Variants in PTPRD observed in about 807,000 individuals in gnomAD.
PTPRD encodes the protein protein tyrosine phosphatase receptor type D.
A neutral mutation model predicts 214.5 loss-of-function variants in PTPRD; 34 were observed. The ratio of observed to expected loss-of-function variants is 0.16; its 90% CI spans 0.12 to 0.21. The LOEUF (loss-of-function observed/expected upper bound fraction) is 0.21. Among genes scored for constraint, PTPRD ranks in the 10% least tolerant of loss-of-function variants. The probability of loss-of-function intolerance (pLI) is 1.00; values close to 1 mark genes in which losing one functional copy is unlikely to be tolerated. For missense variants in PTPRD, 2,545 were observed against 2,398.7 expected (o/e 1.06, Z -1.27); for synonymous variants, 1,128 against 845.7 (o/e 1.33, Z -5.79).
chr9:9,097,430 A>C (rs1286253854), intron 10 of PTPRD, among the ~76,000 whole-genome samples: 1 of 148,036 alleles, frequency 6.8e-6, no homozygotes, highest in Non-Finnish European at 1.5e-5. Context: ...TTCTTTTGAG[A>C]TGGAGTCTCG....
At chr9:8,387,487 G>A (rs576934278) in intron 37 of PTPRD, among the ~76,000 whole-genome samples, 2 of 152,290 alleles carry the variant, frequency 1.3e-5, no homozygotes, top group South Asian at 4.1e-4. Flanking sequence ...GTGTTTTACT[G>A]AAAACAGCTT....
intron 4 of PTPRD, among the ~76,000 whole-genome samples, chr9:9,987,030 T>C (rs1281348999): frequency 1.3e-5 from 2 of 152,030 alleles, no homozygotes; most frequent in East Asian, 3.9e-4. Flanking sequence ...AAGTAGCTAG[T>C]GTATAAGAGA....
At chr9:8,989,076 T>C (rs12379353) in intron 11 of PTPRD, among the ~76,000 whole-genome samples, 15,713 of 152,050 alleles carry the variant, frequency 0.1, 1,101 homozygotes, top group South Asian at 0.2. Flanking sequence ...TATGTCTCAG[T>C]TTTTTTATTA....
At chr9:10,424,644 G>A (rs563476417) in intron 2 of PTPRD, among the ~76,000 whole-genome samples, 2 of 151,886 alleles carry the variant, frequency 1.3e-5, no homozygotes, top group Non-Finnish European at 2.9e-5. Flanking sequence ...TGTATGTAAT[G>A]CAACGAAGAA....
intron 2 of PTPRD, among the ~76,000 whole-genome samples, chr9:10,585,857 A>G (rs550805507): frequency 6.6e-6 from 1 of 152,186 alleles, no homozygotes; most frequent in East Asian, 1.9e-4. Context: ...TTACAAAAAT[A>G]ACCTATTTTA....
At chr9:9,181,920 A>G (rs1032990447) in intron 10 of PTPRD, among the ~76,000 whole-genome samples, 1 of 152,052 alleles carries the variant, frequency 6.6e-6, no homozygotes, top group Non-Finnish European at 1.5e-5. Flanking sequence ...GAACACTGGA[A>G]GATAATGTGC....
intron 37 of PTPRD, among the ~76,000 whole-genome samples, chr9:8,382,598 C>T (rs1417444359): frequency 1.3e-5 from 2 of 152,170 alleles, no homozygotes; most frequent in Non-Finnish European, 2.9e-5. Context: ...GATTCTTTCT[C>T]TTTTATCTGA....
intron 2 of PTPRD, among the ~76,000 whole-genome samples, chr9:10,555,358 A>G (rs833411): frequency 0.95 from 144,966 of 152,264 alleles, 69,111 homozygotes; most frequent in Middle Eastern, 0.98. Flanking sequence ...TATACCTAAA[A>G]AATGGTTATC....
chr9:9,634,940 T>C (rs1261280450), intron 7 of PTPRD, among the ~76,000 whole-genome samples: 2 of 152,156 alleles, frequency 1.3e-5, no homozygotes, highest in Admixed American at 6.6e-5. Flanking sequence ...TGTGTAAAGC[T>C]GTAGGAGGCA....
intron 32 of PTPRD, among the ~76,000 whole-genome samples, chr9:8,464,818 TTC>T (rs149346672): frequency 6.6e-6 from 1 of 151,630 alleles, no homozygotes; most frequent in African/African-American, 2.4e-5. Flanking sequence ...ACCTTAGGAA[TTC>T]TCTCTTTTAT....
At position 8,588,133 on chromosome 9, in the gene PTPRD, C is replaced by T. The variant is rs138977129; in HGVS notation, c.352+45184G>A. Among the ~76,000 whole-genome samples the T allele has an allele frequency of 4.7e-3, 709 of 152,252 alleles. 6 individuals are homozygous for T. Among genetic ancestry groups the T allele is most frequent in the African/African-American group, 0.016 (669 of 41,536 alleles). On this transcript the variant is annotated intron_variant, in intron 14 of 45. Coordinates refer to ENST00000381196, the MANE Select transcript of PTPRD (RefSeq NM_002839.4). The stretch of plus-strand genomic sequence containing the variant: ...ACTCTGTGACTTCTACCCATGAGAG[C>T]GAAAGCCAGCAAAGCTAGGCTAATC...
chr9:9,704,469 T>G (rs995207632), intron 7 of PTPRD, among the ~76,000 whole-genome samples: 1 of 152,152 alleles, frequency 6.6e-6, no homozygotes, highest in Non-Finnish European at 1.5e-5. Context: ...CCATGTATGG[T>G]GGTTGAAAGA....
At chr9:9,997,428 G>C (rs567135515) in intron 4 of PTPRD, among the ~76,000 whole-genome samples, 63 of 151,994 alleles carry the variant, frequency 4.1e-4, no homozygotes, top group Admixed American at 2.6e-3. Context: ...TGGGATTACA[G>C]ACAGGCATGT....
chr9:9,272,851 G>C (rs1362019302), intron 9 of PTPRD, among the ~76,000 whole-genome samples: 1 of 151,264 alleles, frequency 6.6e-6, no homozygotes, highest in African/African-American at 2.4e-5. Context: ...GTGATGCAGT[G>C]AGCTCAAAGA....
intron 14 of PTPRD, among the ~76,000 whole-genome samples, chr9:8,580,739 G>C (rs770268790): frequency 5.3e-5 from 8 of 152,226 alleles, no homozygotes; most frequent in African/African-American, 1.9e-4. Flanking sequence ...ATTATGGTCA[G>C]CCAGACAAAA....
rs60903790 is a variant in PTPRD, at chr9:9,330,008, T to C, written c.-203+67441A>G. On this transcript the variant is annotated intron_variant, in intron 9 of 45. Coordinates refer to ENST00000381196, the MANE Select transcript of PTPRD (RefSeq NM_002839.4). ...CCCCACCAGTTCTCACAAAGAACAT[T>C]TGTAGACTAAACAGGCTTGACTAAA... 4.6e-5 allele frequency among the ~76,000 whole-genome samples: 7 copies of C among 152,236 alleles called. No homozygotes were observed. In the East Asian group the frequency reaches 1.4e-3, roughly 30 times the overall value.
chr9:10,594,446 T>A (rs867462439), intron 2 of PTPRD, among the ~76,000 whole-genome samples: 2 of 152,002 alleles, frequency 1.3e-5, no homozygotes, highest in African/African-American at 2.4e-5. Flanking sequence ...AGCAAGAAGC[T>A]TAATAAAGCA....
At chr9:9,877,894 C>T (rs1312173420) in intron 5 of PTPRD, among the ~76,000 whole-genome samples, 2 of 151,246 alleles carry the variant, frequency 1.3e-5, no homozygotes, top group East Asian at 3.9e-4. Flanking sequence ...AATTGCTTTA[C>T]CCCGGGAGGT....
intron 9 of PTPRD, among the ~76,000 whole-genome samples, chr9:9,248,693 G>C (rs1245224380): frequency 6.6e-6 from 1 of 152,090 alleles, no homozygotes; most frequent in Non-Finnish European, 1.5e-5. Flanking sequence ...CTAAGGGAAT[G>C]AGAAGTCTTA....
Sources: gnomAD v4.1 joint callset for allele counts (sites outside exome capture counted in the v4.1 genomes callset) on GRCh38, gnomAD v4.1.1 for gene constraint, MANE v1.5 for transcripts, NCBI Gene and HGNC (gene_info 2026-07-23, HGNC 2026-07-21) for gene names.